Variants in ESRRB observed in about 807,000 individuals in gnomAD.
The protein encoded by ESRRB is estrogen related receptor beta, also known as steroid hormone receptor ERR2.
ESRRB carries 16 observed loss-of-function variants against 46.0 expected under a neutral mutation model. The ratio of observed to expected loss-of-function variants is 0.35; its 90% CI spans 0.24 to 0.53. The LOEUF (loss-of-function observed/expected upper bound fraction) is 0.53. Among genes scored for constraint, ESRRB ranks in the 20% least tolerant of loss-of-function variants. The pLI, the probability that ESRRB is intolerant of heterozygous loss-of-function variation, is 0.93. For missense variants in ESRRB, 488 were observed against 607.4 expected, an observed-to-expected ratio of 0.80 and a Z score of 2.07; for synonymous variants, 246 against 259.6, an observed-to-expected ratio of 0.95 and a Z score of 0.50.
At chr14:76,377,443 C>T (rs1884821262) in intron 1 of ESRRB, among the ~76,000 whole-genome samples, 1 of 152,182 alleles carries the variant, frequency 6.6e-6, no homozygotes, top group Non-Finnish European at 1.5e-5. Flanking sequence ...CTGCGCACCC[C>T]ACGGCGCCCC....
At position 76,354,226 on chromosome 14, in the gene ESRRB, C is replaced by G. The variant is rs12432988; in HGVS notation, c.2+43310C>G. On this transcript the variant is annotated intron_variant, in intron 1 of 6. Transcript: ENST00000512784. Reference sequence around the variant, plus strand: ...TTGGCCCCCAGGGTCCTCTACCCGCCCCCCCCCCCACCCACACTTCCACCC... The same window carrying G: ...TTGGCCCCCAGGGTCCTCTACCCGCGCCCCCCCCCACCCACACTTCCACCC... Among the ~76,000 whole-genome samples the G allele has an allele frequency of 1.4e-4, 11 of 78,496 alleles. No individual in the cohort carries two copies. The South Asian group carries it at 7.8e-3, about 56-fold the overall frequency. The allele number at this position is 78,496 out of a possible 152,430, so 51.5% of individuals were successfully genotyped here.
chr14:76,387,411 T>C (rs1440168417), intron 1 of ESRRB, among the ~76,000 whole-genome samples: 3 of 152,200 alleles, frequency 2.0e-5, no homozygotes, highest in Non-Finnish European at 4.4e-5. Context: ...AGCCTTCCCT[T>C]GGTGGGGTGT....
At chr14:76,465,451 T>A (rs923563544) in intron 3 of ESRRB, among the ~76,000 whole-genome samples, 2 of 151,236 alleles carry the variant, frequency 1.3e-5, no homozygotes, top group Admixed American at 6.6e-5. Context: ...GGGAGGGAGG[T>A]GGTGAGGCCC....
chr14:76,455,196 G>A (rs529667543), intron 2 of ESRRB, among the ~76,000 whole-genome samples: 147 of 152,182 alleles, frequency 9.7e-4, no homozygotes, highest in East Asian at 5.2e-3. Context: ...CAGCCTGGGC[G>A]ACAGAGCAAG....
At chr14:76,434,918 C>T (rs1298714127) in intron 1 of ESRRB, among the ~76,000 whole-genome samples, 1 of 151,960 alleles carries the variant, frequency 6.6e-6, no homozygotes, top group East Asian at 1.9e-4. Context: ...TGAGCTCCGG[C>T]CTTTTCCTTC....
chr14:76,379,452 A>G (rs1884916674), intron 1 of ESRRB, among the ~76,000 whole-genome samples: 1 of 152,246 alleles, frequency 6.6e-6, no homozygotes, highest in Non-Finnish European at 1.5e-5. Context: ...AAAATGCCAC[A>G]TGGTAATTCA....
At chr14:76,467,000 G>T (rs966448162) in intron 3 of ESRRB, among the ~76,000 whole-genome samples, 1 of 151,996 alleles carries the variant, frequency 6.6e-6, no homozygotes, top group African/African-American at 2.4e-5. Context: ...GATTACAGGC[G>T]TGAGCCACTG....
At chr14:76,422,953 G>A (rs1887034715) in intron 1 of ESRRB, among the ~76,000 whole-genome samples, 1 of 152,096 alleles carries the variant, frequency 6.6e-6, no homozygotes, top group Admixed American at 6.6e-5. Context: ...ACTTCCCACA[G>A]TTTCTTTACG....
At chr14:76,437,871 C>T (rs1887741957) in intron 1 of ESRRB, among the ~76,000 whole-genome samples, 1 of 152,238 alleles carries the variant, frequency 6.6e-6, no homozygotes, top group Admixed American at 6.5e-5. Context: ...CCCGCCTTCT[C>T]CTCCACCAGC....
chr14:76,334,583 A>G (rs1296966293), intron 1 of ESRRB, among the ~76,000 whole-genome samples: 3 of 152,210 alleles, frequency 2.0e-5, no homozygotes, highest in Non-Finnish European at 4.4e-5. Context: ...AAACAGAATG[A>G]CAAAGGGAGT....
At chr14:76,401,950 C>A (rs1276495979) in intron 1 of ESRRB, among the ~76,000 whole-genome samples, 1 of 152,210 alleles carries the variant, frequency 6.6e-6, no homozygotes, top group Non-Finnish European at 1.5e-5. Flanking sequence ...CCCAGGAGAG[C>A]TGACAGTGTA....
intron 1 of ESRRB, among the ~76,000 whole-genome samples, chr14:76,414,922 A>C (rs2139872434): frequency 6.6e-6 from 1 of 152,288 alleles, no homozygotes; most frequent in East Asian, 1.9e-4. Flanking sequence ...ATCTGTAAGA[A>C]GGGGATTGAA....
intron 1 of ESRRB, among the ~76,000 whole-genome samples, chr14:76,412,268 G>A (rs1886475928): frequency 6.6e-6 from 1 of 152,216 alleles, no homozygotes; most frequent in Non-Finnish European, 1.5e-5. Context: ...GCATGCTCCT[G>A]GGGTACAGGA....
chr14:76,471,992 T>C (rs1265022001), intron 3 of ESRRB, among the ~76,000 whole-genome samples: 1 of 152,204 alleles, frequency 6.6e-6, no homozygotes, highest in Non-Finnish European at 1.5e-5. Flanking sequence ...GTCTTTGCCA[T>C]GCCTGATCTG....
chr14:76,451,205 G>A (rs1247930784), intron 2 of ESRRB, among the ~76,000 whole-genome samples: 1 of 152,204 alleles, frequency 6.6e-6, no homozygotes. Context: ...AGGCTTCACA[G>A]GTCATGGTAA....
chr14:76,440,657 TTTCCTTCCTTCC>T (rs566921340), intron 2 of ESRRB, among the ~76,000 whole-genome samples: 2 of 151,564 alleles, frequency 1.3e-5, no homozygotes, highest in South Asian at 2.1e-4. Context: ...CTGTATTTTC[TTTCCTTCCTTCC>T]TTCCTTCCTT....
chr14:76,320,102 G>A (rs1043667772), intron 1 of ESRRB, among the ~76,000 whole-genome samples: 3 of 152,124 alleles, frequency 2.0e-5, no homozygotes, highest in Non-Finnish European at 4.4e-5. Flanking sequence ...GGATGAATTT[G>A]CCTAATCATT....
At position 76,358,336 on chromosome 14, in the gene ESRRB, A is replaced by T. The variant is rs1884415780; in HGVS notation, c.2+47420A>T. Among the ~76,000 whole-genome samples, 2 of 20,464 alleles carry T rather than the reference A, an allele frequency of 9.8e-5. 1 individual carries two copies. The highest frequency in any genetic ancestry group is 1.7e-4 in the Non-Finnish European group (2 of 11,528). 13.4% of individuals were successfully genotyped at this position (20,464 alleles called of 152,430 possible). A position where few individuals can be genotyped will look rare whatever the true frequency, so the allele number is the denominator to read the frequency against. Reference sequence around the variant, plus strand: ...CAAAAAAAAAAAAAAAGAAAGAAAGAAAGAAAGAAAGAAAGAAAGAAAGAA... The same window carrying T: ...CAAAAAAAAAAAAAAAGAAAGAAAGTAAGAAAGAAAGAAAGAAAGAAAGAA... On this transcript the variant is annotated intron_variant, in intron 1 of 6. Transcript: ENST00000512784.
intron 1 of ESRRB, among the ~76,000 whole-genome samples, chr14:76,324,049 A>T (rs1449314569): frequency 6.6e-6 from 1 of 152,108 alleles, no homozygotes; most frequent in Non-Finnish European, 1.5e-5. Flanking sequence ...CTTAGGTCGG[A>T]GTCTCCAGGG....
Sources: allele counts gnomAD v4.1 joint callset (sites outside exome capture counted in the v4.1 genomes callset), GRCh38; gene constraint gnomAD v4.1.1; transcripts MANE v1.5; gene names NCBI Gene and HGNC (gene_info 2026-07-23, HGNC 2026-07-21).